CRB1: variants seen among roughly 807,000 people sequenced by gnomAD.
CRB1 encodes crumbs cell polarity complex component 1.
Under a neutral mutation model 120.0 loss-of-function variants are expected in CRB1, and 83 were observed. The observed-to-expected ratio is 0.69, with a 90% CI of 0.58 to 0.83. CRB1 has a LOEUF of 0.83. CRB1 is among the 40% of genes least tolerant of loss of function. The pLI, the probability that CRB1 is intolerant of heterozygous loss-of-function variation, is 0.00. For synonymous variants in CRB1, 625 were observed against 612.5 expected (o/e 1.02, Z -0.30); for missense variants, 1,699 against 1,687.6 (o/e 1.01, Z -0.12).
At chr1:197,238,410 G>T in the CRB1 span, among the ~76,000 whole-genome samples, 1 of 151,950 alleles carries the variant, frequency 6.6e-6, no homozygotes, top group African/African-American at 2.4e-5. Flanking sequence ...AGACAATATT[G>T]CTTTGATCTT....
chr1:197,430,455 C>T (rs1459979193), intron 8 of CRB1, among the ~76,000 whole-genome samples: 1 of 152,114 alleles, frequency 6.6e-6, no homozygotes, highest in African/African-American at 2.4e-5. Context: ...TACCAGTTAC[C>T]ATCCCATTTC....
chr1:197,380,204 T>G (rs1025516146), intron 5 of CRB1, among the ~76,000 whole-genome samples: 2 of 152,176 alleles, frequency 1.3e-5, no homozygotes, highest in Admixed American at 1.3e-4. Context: ...ATCAAAAGTT[T>G]TGGCAAAGAA....
chr1:197,435,338 A>T lies in CRB1; in HGVS notation c.3475A>T (p.Ser1159Cys). ...TGGAGGAAACTGTGAAGACATCTAT[A>T]GCTCTTATCATTGCTCCTGTCCCTT... Reference protein sequence around the residue: ...LHGGNCEDIYSSYHCSCPLGW... With the variant: ...LHGGNCEDIYCSYHCSCPLGW... The change falls in exon 9 of 12, where the codon AGC (serine) becomes TGC (cysteine). Residue 1159 changes from serine (S) to cysteine (C), a missense_variant. Physicochemically the swap from Ser to Cys is moderately radical, Grantham distance 112 (BLOSUM62 -1). Coordinates refer to ENST00000367400, the MANE Select transcript of CRB1 (RefSeq NM_201253.3). 1 of 1,613,728 alleles carries T rather than the reference A, an allele frequency of 6.2e-7. No individual in the cohort carries two copies. The highest frequency in any genetic ancestry group is 1.3e-5 in the African/African-American group (1 of 75,008).
the CRB1 span, among the ~76,000 whole-genome samples, chr1:197,209,969 G>T: frequency 4.6e-5 from 7 of 152,170 alleles, no homozygotes; most frequent in Admixed American, 6.5e-5. Flanking sequence ...CTTTCAAAGG[G>T]TCTGTGAATT....
chr1:197,247,118 A>G, the CRB1 span, among the ~76,000 whole-genome samples: 1 of 151,958 alleles, frequency 6.6e-6, no homozygotes, highest in Non-Finnish European at 1.5e-5. Context: ...GGTTGAATAA[A>G]TTTTCCTTAA....
intron 5 of CRB1, among the ~76,000 whole-genome samples, chr1:197,387,538 T>C (rs1277101888): frequency 1.3e-5 from 2 of 152,086 alleles, no homozygotes; most frequent in Non-Finnish European, 2.9e-5. Context: ...TTTGGAGCTA[T>C]ATTTGATTTT....
chr1:197,232,812 AT>A, the CRB1 span, among the ~76,000 whole-genome samples: 94 of 152,188 alleles, frequency 6.2e-4, no homozygotes, highest in African/African-American at 2.2e-3. Context: ...ATATACAAAC[AT>A]TTTAAGGACT....
intron 8 of CRB1, among the ~76,000 whole-genome samples, chr1:197,433,007 G>T (rs536507504): frequency 2.2e-4 from 34 of 152,078 alleles, no homozygotes; most frequent in African/African-American, 7.5e-4. Flanking sequence ...AGTTAATCAG[G>T]GGCCAGATCA....
intron 5 of CRB1, among the ~76,000 whole-genome samples, chr1:197,373,810 A>C (rs1243035859): frequency 6.6e-6 from 1 of 152,172 alleles, no homozygotes; most frequent in East Asian, 1.9e-4. Flanking sequence ...CTACTGGCCC[A>C]TTGCTAGGTG....
At chr1:197,416,066 C>T (rs1182824894) in intron 5 of CRB1, among the ~76,000 whole-genome samples, 2 of 152,210 alleles carry the variant, frequency 1.3e-5, no homozygotes, top group Non-Finnish European at 2.9e-5. Flanking sequence ...AGCTACTGCC[C>T]AAACTATTCA....
intron 5 of CRB1, among the ~76,000 whole-genome samples, chr1:197,407,299 G>T (rs976137031): frequency 2.7e-4 from 41 of 152,336 alleles, no homozygotes. Flanking sequence ...GTATGTTAGA[G>T]ATTTCGGGTT....
chr1:197,287,048 T>C (rs1052473293), intron 1 of CRB1, among the ~76,000 whole-genome samples: 9 of 151,878 alleles, frequency 5.9e-5, no homozygotes, highest in Non-Finnish European at 1.5e-5. Flanking sequence ...TATACACTTA[T>C]AAAATTTCAA....
At chr1:197,271,331 A>G (rs746209968) in intron 1 of CRB1, among the ~76,000 whole-genome samples, 4 of 152,184 alleles carry the variant, frequency 2.6e-5, no homozygotes, top group Admixed American at 6.6e-5. Flanking sequence ...CTCCAGCTCC[A>G]TACTGTATTT....
At chr1:197,377,743 T>C (rs1426551502) in intron 5 of CRB1, among the ~76,000 whole-genome samples, 1 of 152,220 alleles carries the variant, frequency 6.6e-6, no homozygotes, top group Non-Finnish European at 1.5e-5. Context: ...TATTCAAAAA[T>C]TCAAAGATAT....
At chr1:197,353,834 A>G (rs1227535465) in intron 4 of CRB1, among the ~76,000 whole-genome samples, 1 of 150,784 alleles carries the variant, frequency 6.6e-6, no homozygotes, top group Non-Finnish European at 1.5e-5. Flanking sequence ...AAAAAAAAAA[A>G]AAACTTTATA....
chr1:197,411,027 G>A (rs1008841456), intron 5 of CRB1, among the ~76,000 whole-genome samples: 2 of 152,192 alleles, frequency 1.3e-5, no homozygotes, highest in African/African-American at 4.8e-5. Flanking sequence ...AATTCCATGT[G>A]TTAGACCTTT....
chr1:197,454,887 G>A (rs1163853855), intron 11 of CRB1, among the ~76,000 whole-genome samples: 1 of 152,132 alleles, frequency 6.6e-6, no homozygotes, highest in African/African-American at 2.4e-5. Flanking sequence ...GGCATGGTAA[G>A]CAACTAAAAT....
chr1:197,408,239 C>T (rs1023340096), intron 5 of CRB1, among the ~76,000 whole-genome samples: 5 of 151,946 alleles, frequency 3.3e-5, no homozygotes, highest in Middle Eastern at 3.4e-3. Flanking sequence ...GGGTAAGTAA[C>T]AATTGGGCAG....
At chr1:197,393,004 A>C (rs1219843498) in intron 5 of CRB1, among the ~76,000 whole-genome samples, 2 of 152,120 alleles carry the variant, frequency 1.3e-5, no homozygotes, top group African/African-American at 4.8e-5. Flanking sequence ...ATGTTGTATG[A>C]ATGCATATAC....
Sources: gnomAD v4.1 joint callset for allele counts (sites outside exome capture counted in the v4.1 genomes callset) on GRCh38, gnomAD v4.1.1 for gene constraint, MANE v1.5 for transcripts, NCBI Gene and HGNC (gene_info 2026-07-23, HGNC 2026-07-21) for gene names.